The following ZC3H12B variants were observed in gnomAD, a reference collection of about 807,000 sequenced individuals.
ZC3H12B encodes zinc finger CCCH-type containing 12B.
Under a neutral mutation model 43.9 loss-of-function variants are expected in ZC3H12B, and 7 were observed. The observed-to-expected ratio is 0.16, with a 90% CI of 0.09 to 0.30. The LOEUF (loss-of-function observed/expected upper bound fraction) is 0.30. Ranked by LOEUF, ZC3H12B falls within the 10% of genes least tolerant of loss-of-function variation. The pLI is 1.00. For missense variants in ZC3H12B, 475 were observed against 670.2 expected (o/e 0.71, Z 3.22); for synonymous variants, 222 against 241.7 (o/e 0.92, Z 0.76).
the ZC3H12B span, among the ~76,000 whole-genome samples, chrX:65,192,862 C>T: frequency 3.6e-5 from 4 of 111,033 alleles, no homozygotes; most frequent in East Asian, 2.8e-4. Context: ...GGCACAATCT[C>T]GACTAGTTTC....
At chrX:65,297,639 A>G in the ZC3H12B span, among the ~76,000 whole-genome samples, 1 of 111,330 alleles carries the variant, frequency 9.0e-6, no homozygotes, top group Non-Finnish European at 1.9e-5. Context: ...TAGAACTAGA[A>G]AAAAAATCCT....
At chrX:65,312,704 G>T in the ZC3H12B span, among the ~76,000 whole-genome samples, 3 of 111,314 alleles carry the variant, frequency 2.7e-5, no homozygotes, top group Non-Finnish European at 5.7e-5. Flanking sequence ...ATATAGTGAG[G>T]TCTCATTTCC....
intron 2 of ZC3H12B, among the ~76,000 whole-genome samples, chrX:65,398,307 T>C (rs1484852907): frequency 8.9e-6 from 1 of 111,891 alleles, no homozygotes; most frequent in African/African-American, 3.2e-5. Context: ...ACCCAGAATA[T>C]CCAAAGCTAT....
the ZC3H12B span, among the ~76,000 whole-genome samples, chrX:65,250,485 A>AT: frequency 9.0e-6 from 1 of 111,673 alleles, no homozygotes; most frequent in Admixed American, 9.5e-5. Context: ...TGGCATTTCT[A>AT]TTTCTAGATC....
intron 3 of ZC3H12B, among the ~76,000 whole-genome samples, chrX:65,414,614 C>T (rs2066939737): frequency 9.0e-6 from 1 of 111,574 alleles, no homozygotes; most frequent in African/African-American, 3.3e-5. Context: ...GTGAGAGAAA[C>T]TTCTCATGTT....
At chrX:65,347,275 C>T in the ZC3H12B span, among the ~76,000 whole-genome samples, 7 of 111,257 alleles carry the variant, frequency 6.3e-5, no homozygotes, top group Non-Finnish European at 1.3e-4. Context: ...CTCAGAGACC[C>T]CATCCGAAGG....
At chrX:65,474,789 T>C (rs1466895998) in intron 3 of ZC3H12B, among the ~76,000 whole-genome samples, 2 of 111,659 alleles carry the variant, frequency 1.8e-5, no homozygotes, top group East Asian at 5.6e-4. Flanking sequence ...TTTGTATTAG[T>C]AGAGACAAGG....
chrX:65,221,425 A>G, the ZC3H12B span, among the ~76,000 whole-genome samples: 11 of 111,923 alleles, frequency 9.8e-5, no homozygotes, highest in Non-Finnish European at 1.3e-4. Flanking sequence ...TAGAAAAGAT[A>G]AAATTGACAG....
chrX:65,177,980 G>A, the ZC3H12B span, among the ~76,000 whole-genome samples: 1 of 112,111 alleles, frequency 8.9e-6, no homozygotes. Flanking sequence ...AAAGAACAAA[G>A]CTGGGGACAT....
upstream of ZC3H12B, among the ~76,000 whole-genome samples, chrX:65,364,046 A>G (rs1220133179): frequency 9.0e-6 from 1 of 110,634 alleles, no homozygotes; most frequent in Admixed American, 9.7e-5. Context: ...CCATTTCCCC[A>G]TATTTCCTTC....
At chrX:65,133,478 A>G in the ZC3H12B span, among the ~76,000 whole-genome samples, 1 of 110,751 alleles carries the variant, frequency 9.0e-6, no homozygotes, top group East Asian at 2.8e-4. Context: ...TATTTGATGA[A>G]AAAGAGCCTG....
chrX:65,075,138 T>C, the ZC3H12B span, among the ~76,000 whole-genome samples: 3 of 112,242 alleles, frequency 2.7e-5, no homozygotes, highest in African/African-American at 6.5e-5. Flanking sequence ...CTCTGAGACA[T>C]TTTATGTGTA....
At chrX:65,057,393 A>G in the ZC3H12B span, among the ~76,000 whole-genome samples, 1 of 111,543 alleles carries the variant, frequency 9.0e-6, no homozygotes. Flanking sequence ...CTTTTCTTAA[A>G]AATGTTGAAT....
chrX:65,141,614 C>G, the ZC3H12B span, among the ~76,000 whole-genome samples: 1 of 109,733 alleles, frequency 9.1e-6, no homozygotes, highest in African/African-American at 3.3e-5. Context: ...TTTTGGTGCA[C>G]CCATCACCTG....
At chrX:65,307,743 C>G in the ZC3H12B span, among the ~76,000 whole-genome samples, 1 of 111,359 alleles carries the variant, frequency 9.0e-6, no homozygotes, top group African/African-American at 3.3e-5. Context: ...GCTAAACAAA[C>G]CTATAGTAGA....
At chrX:65,312,815 A>T in the ZC3H12B span, among the ~76,000 whole-genome samples, 1 of 111,526 alleles carries the variant, frequency 9.0e-6, no homozygotes, top group Admixed American at 9.5e-5. Flanking sequence ...CTCTCCTGAG[A>T]GCTCCACCCT....
the ZC3H12B span, among the ~76,000 whole-genome samples, chrX:65,123,160 C>A: frequency 9.2e-6 from 1 of 109,163 alleles, no homozygotes; most frequent in Non-Finnish European, 1.9e-5. Flanking sequence ...TTGTCCTAGG[C>A]CTTTTCTGGA....
At chrX:65,379,443 A>T (rs1221087872) in intron 2 of ZC3H12B, among the ~76,000 whole-genome samples, 2 of 112,048 alleles carry the variant, frequency 1.8e-5, no homozygotes, top group African/African-American at 6.5e-5. Context: ...CATCCACACC[A>T]AAAACCCATC....
chrX:65,227,456 C>T, the ZC3H12B span, among the ~76,000 whole-genome samples: 53 of 110,899 alleles, frequency 4.8e-4, 1 homozygote, highest in Admixed American at 5.1e-3. Flanking sequence ...GACACCCTAA[C>T]ATCACAATTA....
Sources: allele counts gnomAD v4.1 joint callset (sites outside exome capture counted in the v4.1 genomes callset), GRCh38; gene constraint gnomAD v4.1.1; transcripts MANE v1.5; gene names NCBI Gene and HGNC (gene_info 2026-07-23, HGNC 2026-07-21).